CADM2: variants seen among roughly 807,000 people sequenced by gnomAD.
The protein encoded by CADM2 is cell adhesion molecule 2, also known as immunoglobulin superfamily member 4D.
CADM2 carries 12 observed loss-of-function variants against 49.8 expected under a neutral mutation model. That is an observed-to-expected ratio of 0.24 (90% CI 0.15 to 0.39). The LOEUF (loss-of-function observed/expected upper bound fraction) is 0.39, where lower values mean the gene tolerates loss of function less well. CADM2 is among the 10% of genes least tolerant of loss of function. The probability of loss-of-function intolerance (pLI) is 1.00; values close to 1 mark genes in which losing one functional copy is unlikely to be tolerated. For synonymous variants in CADM2, 214 were observed against 175.4 expected (o/e 1.22, Z -1.74); for missense variants, 378 against 492.3 (o/e 0.77, Z 2.20).
In CADM2 at chr3:86,067,557, T is replaced by A. The variant is rs1010031008; in HGVS notation, c.*774T>A. The A allele has an allele frequency of 2.0e-5, 3 of 152,574 alleles. No homozygotes were observed. Among genetic ancestry groups the A allele is most frequent in the African/African-American group, 7.2e-5 (3 of 41,456 alleles). 9.5% of individuals were successfully genotyped at this position (152,574 alleles called of 1,614,324 possible). Reference sequence around the variant, plus strand: ...GAATCACAAATATTTAATTCATTTCTCTAATTTGATTCTATAATTTATTTG... The same window carrying A: ...GAATCACAAATATTTAATTCATTTCACTAATTTGATTCTATAATTTATTTG... On this transcript the variant is annotated 3_prime_UTR_variant, in exon 10 of 10. Coordinates refer to ENST00000383699, the MANE Select transcript of CADM2 (RefSeq NM_001167675.2).
intron 1 of CADM2, among the ~76,000 whole-genome samples, chr3:85,228,155 A>G (rs144801899): frequency 6.6e-6 from 1 of 152,086 alleles, no homozygotes; most frequent in Non-Finnish European, 1.5e-5. Flanking sequence ...TATTTCCTCA[A>G]CTTGAATGTT....
At chr3:85,705,435 T>C (rs911643557) in intron 1 of CADM2, among the ~76,000 whole-genome samples, 1 of 152,158 alleles carries the variant, frequency 6.6e-6, no homozygotes, top group Non-Finnish European at 1.5e-5. Flanking sequence ...ATGATGAGGA[T>C]TGCTGTCCTA....
At chr3:85,945,832 G>T (rs1722608859) in intron 7 of CADM2, among the ~76,000 whole-genome samples, 1 of 151,976 alleles carries the variant, frequency 6.6e-6, no homozygotes, top group South Asian at 2.1e-4. Flanking sequence ...ATACTGAATG[G>T]GCAAAAACTG....
intron 1 of CADM2, among the ~76,000 whole-genome samples, chr3:85,101,159 C>T (rs529698127): frequency 1.1e-3 from 163 of 152,076 alleles, no homozygotes; most frequent in African/African-American, 2.7e-3. Flanking sequence ...GAGGCTGAGG[C>T]GGGAGAATTG....
intron 1 of CADM2, among the ~76,000 whole-genome samples, chr3:85,070,775 G>A (rs1190061580): frequency 4.6e-5 from 7 of 152,040 alleles, no homozygotes; most frequent in Admixed American, 3.3e-4. Context: ...GGTAGATCAC[G>A]AGGTCAAGAG....
intron 1 of CADM2, among the ~76,000 whole-genome samples, chr3:85,570,555 A>G (rs1674274359): frequency 6.6e-6 from 1 of 152,088 alleles, no homozygotes; most frequent in African/African-American, 2.4e-5. Flanking sequence ...CTGTATTATG[A>G]TTTTTTTCAG....
intron 1 of CADM2, among the ~76,000 whole-genome samples, chr3:85,693,381 C>G (rs1351439534): frequency 6.6e-5 from 10 of 150,680 alleles, no homozygotes; most frequent in South Asian, 2.1e-4. Flanking sequence ...GAGATCGAGA[C>G]CATCCTGGCT....
intron 3 of CADM2, among the ~76,000 whole-genome samples, chr3:85,881,181 A>G (rs931664611): frequency 1.3e-5 from 2 of 152,080 alleles, no homozygotes; most frequent in African/African-American, 4.8e-5. Flanking sequence ...TTTTCATTGT[A>G]CTATAGAGAA....
intron 1 of CADM2, among the ~76,000 whole-genome samples, chr3:85,370,674 C>T (rs2033163861): frequency 1.3e-5 from 2 of 152,122 alleles, no homozygotes; most frequent in African/African-American, 4.8e-5. Context: ...TACTATGCTT[C>T]TAATCATTAT....
intron 1 of CADM2, among the ~76,000 whole-genome samples, chr3:85,626,324 C>T (rs981998386): frequency 1.3e-5 from 2 of 151,844 alleles, no homozygotes; most frequent in African/African-American, 4.8e-5. Context: ...CACTGAAGTC[C>T]CTTCAGTAGC....
At chr3:85,429,335 AT>A (rs1433397177) in intron 1 of CADM2, among the ~76,000 whole-genome samples, 1 of 152,154 alleles carries the variant, frequency 6.6e-6, no homozygotes, top group Admixed American at 6.5e-5. Context: ...GATGAAAACA[AT>A]TGCATTCTTA....
intron 1 of CADM2, among the ~76,000 whole-genome samples, chr3:85,280,011 G>T (rs2043462578): frequency 6.6e-6 from 1 of 151,444 alleles, no homozygotes; most frequent in Non-Finnish European, 1.5e-5. Flanking sequence ...CTTTTGTTGT[G>T]CAGAGCTTTT....
intron 2 of CADM2, among the ~76,000 whole-genome samples, chr3:85,731,232 C>T (rs1422164769): frequency 1.3e-5 from 2 of 152,166 alleles, no homozygotes; most frequent in Non-Finnish European, 2.9e-5. Context: ...TGAGACATTG[C>T]TTCAAACTAT....
At chr3:86,044,433 T>C (rs963064612) in intron 8 of CADM2, among the ~76,000 whole-genome samples, 6 of 152,158 alleles carry the variant, frequency 3.9e-5, no homozygotes, top group Non-Finnish European at 7.4e-5. Context: ...AAGAAGACAT[T>C]TATGCAGCCA....
rs897934669 is a variant in CADM2 at position 85,371,945 on chromosome 3, G to A, written c.62-354577G>A. On this transcript the variant is annotated intron_variant, in intron 1 of 9. Coordinates refer to ENST00000383699, the MANE Select transcript of CADM2 (RefSeq NM_001167675.2). ...AAAACTTAGACTTGGTAGATCTTGTGAAAATGTAAACATATTTGTTCAACT... is the reference window on the plus strand; with the variant it reads ...AAAACTTAGACTTGGTAGATCTTGTAAAAATGTAAACATATTTGTTCAACT... 2.2e-4 allele frequency among the ~76,000 whole-genome samples: 34 copies of A among 151,400 alleles called. 2 individuals are homozygous for A. Among genetic ancestry groups the A allele is most frequent in the Admixed American group, 1.9e-3 (29 of 15,142 alleles).
Position 85,427,160 on chromosome 3 carries a change from CTATATATATATATATATATATATATATA to C in CADM2, c.62-299348_62-299321del, listed in dbSNP as rs35485915. On this transcript the variant is annotated intron_variant, in intron 1 of 9. Transcript: ENST00000383699. ...AACATTACTCACTGATGTATTGGAACTATATATATATATATATATATATATATATATATATATATATGTATAATAAGTT... is the reference window on the plus strand; with the variant it reads ...AACATTACTCACTGATGTATTGGAACTATATATATATATGTATAATAAGTT... 6.2e-5 allele frequency among the ~76,000 whole-genome samples: 7 copies of C among 113,704 alleles called. 1 individual carries two copies. Among genetic ancestry groups the C allele is most frequent in the African/African-American group, 9.8e-5 (2 of 20,436 alleles). 74.6% of individuals were successfully genotyped at this position (113,704 alleles called of 152,430 possible).
chr3:85,274,724 G>T (rs1483167382), intron 1 of CADM2, among the ~76,000 whole-genome samples: 1 of 151,528 alleles, frequency 6.6e-6, no homozygotes, highest in Non-Finnish European at 1.5e-5. Flanking sequence ...GACAACAGTA[G>T]TGATCAAGAC....
intron 1 of CADM2, among the ~76,000 whole-genome samples, chr3:85,542,182 C>A (rs1383615469): frequency 1.3e-5 from 2 of 152,022 alleles, no homozygotes; most frequent in Admixed American, 1.3e-4. Flanking sequence ...GAACCTTGAT[C>A]TAGAATGTGC....
At chr3:85,695,555 C>CATATAT (rs57737276) in intron 1 of CADM2, among the ~76,000 whole-genome samples, 2 of 150,998 alleles carry the variant, frequency 1.3e-5, no homozygotes, top group African/African-American at 4.9e-5. Context: ...AAGTAATATT[C>CATATAT]ATATATATAT....
Sources: gnomAD v4.1 joint callset for allele counts (sites outside exome capture counted in the v4.1 genomes callset) on GRCh38, gnomAD v4.1.1 for gene constraint, MANE v1.5 for transcripts, NCBI Gene and HGNC (gene_info 2026-07-23, HGNC 2026-07-21) for gene names.